The following ANGPTL5 variants were observed in gnomAD, a reference collection of about 807,000 sequenced individuals.
The protein encoded by ANGPTL5 is angiopoietin-related protein 5.
Under a neutral mutation model 39.4 loss-of-function variants are expected in ANGPTL5, and 34 were observed. The ratio of observed to expected loss-of-function variants is 0.86; its 90% CI spans 0.66 to 1.15. ANGPTL5 has a LOEUF of 1.15. Among genes scored for constraint, ANGPTL5 ranks in the 50% most tolerant of loss-of-function variants. The pLI, the probability that ANGPTL5 is intolerant of heterozygous loss-of-function variation, is 0.00. For missense variants in ANGPTL5, 467 were observed against 457.5 expected, an observed-to-expected ratio of 1.02 and a Z score of -0.19; for synonymous variants, 146 against 152.1, an observed-to-expected ratio of 0.96 and a Z score of 0.29.
intron 1 of ANGPTL5, chr11:101,915,457 C>CGG: frequency 6.4e-7 from 1 of 1,571,878 alleles, no homozygotes; most frequent in Non-Finnish European, 8.7e-7. Flanking sequence ...ATGTTGAAAA[C>CGG]GGGGCCCATC....
At chr11:101,896,985 G>A (rs763533405) in intron 7 of ANGPTL5, among the ~76,000 whole-genome samples, 14 of 152,130 alleles carry the variant, frequency 9.2e-5, no homozygotes, top group African/African-American at 2.9e-4. Flanking sequence ...GTGTAAAAGC[G>A]TTCCTATTTC....
intron 1 of ANGPTL5, among the ~76,000 whole-genome samples, chr11:101,913,420 A>G (rs1565344696): frequency 6.6e-6 from 1 of 152,220 alleles, no homozygotes; most frequent in Non-Finnish European, 1.5e-5. Context: ...ACTTTTCAGC[A>G]TAAATCTCCT....
intron 4 of ANGPTL5, among the ~76,000 whole-genome samples, chr11:101,905,200 C>T (rs182545147): frequency 6.6e-6 from 1 of 152,306 alleles, no homozygotes; most frequent in Non-Finnish European, 1.5e-5. Flanking sequence ...CCTCCTTTGG[C>T]TCTTCCTCAA....
At chr11:101,894,007 T>C (rs760332980) in intron 8 of ANGPTL5, among the ~76,000 whole-genome samples, 65 of 152,208 alleles carry the variant, frequency 4.3e-4, no homozygotes, top group Non-Finnish European at 7.1e-4. Flanking sequence ...CAGGAATATA[T>C]ACTTCTAAAA....
chr11:101,910,422 AAAAT>A (rs1229760309), intron 1 of ANGPTL5, among the ~76,000 whole-genome samples: 637 of 128,338 alleles, frequency 5.0e-3, no homozygotes, highest in East Asian at 0.012. Context: ...AAAAAAAAAA[AAAAT>A]ATATATATAT....
intron 1 of ANGPTL5, among the ~76,000 whole-genome samples, chr11:101,911,059 T>C (rs2137066827): frequency 6.9e-6 from 1 of 144,840 alleles, no homozygotes; most frequent in South Asian, 2.2e-4. Context: ...ACACTTCCCT[T>C]ATTATATGGT....
rs973870798 is a variant in ANGPTL5 at position 101,891,596 on chromosome 11, C to T, written c.850G>A (p.Asp284Asn). The T allele has an allele frequency of 3.1e-6, 5 of 1,613,448 alleles. No homozygotes were observed. The African/African-American group carries it at 6.7e-5, about 22-fold the overall frequency. Residue 284 changes from aspartate (D) to asparagine (N), a missense_variant and splice_region_variant, in exon 9 of 9, where the codon GAT becomes AAT. Physicochemically the swap from Asp to Asn is conservative, Grantham distance 23. Transcript: ENST00000334289. ...HLGRYSGNAG[D>N]AFRGLKKEDN... ...TCTTTTTTGAGACCCCGGAATGCAT[C>T]ACCTGGGAAAAAAATTTTTAATGAT...
intron 7 of ANGPTL5, among the ~76,000 whole-genome samples, chr11:101,895,850 T>G (rs1939781786): frequency 6.6e-6 from 1 of 152,202 alleles, no homozygotes; most frequent in African/African-American, 2.4e-5. Context: ...CATAAAATTA[T>G]TAAAGAAAAT....
chr11:101,907,052 A>ATTTC (rs1300927064), intron 3 of ANGPTL5, 51 bp downstream of exon 3: 24 of 1,364,984 alleles, frequency 1.8e-5, no homozygotes, highest in Non-Finnish European at 2.3e-5. Flanking sequence ...TGTCTACCCT[A>ATTTC]AAAATAATGA....
chr11:101,913,212 G>C (rs1940120918), intron 1 of ANGPTL5, among the ~76,000 whole-genome samples: 1 of 152,176 alleles, frequency 6.6e-6, no homozygotes, highest in Admixed American at 6.5e-5. Flanking sequence ...TAAGAGGACT[G>C]CTCACTTGAG....
chr11:101,911,037 TCATATGTTAGCAC>T (rs932893643), intron 1 of ANGPTL5, among the ~76,000 whole-genome samples: 2 of 141,722 alleles, frequency 1.4e-5, no homozygotes, highest in Non-Finnish European at 3.1e-5. Flanking sequence ...CTCTACAATC[TCATATGTTAGCAC>T]ACTTCCCTTA....
At chr11:101,894,012 C>A (rs1489229229) in intron 8 of ANGPTL5, among the ~76,000 whole-genome samples, 1 of 152,188 alleles carries the variant, frequency 6.6e-6, no homozygotes, top group Non-Finnish European at 1.5e-5. Context: ...ATATATACTT[C>A]TAAAAAGCTT....
At chr11:101,905,380 G>A (rs1407496120) in intron 4 of ANGPTL5, among the ~76,000 whole-genome samples, 2 of 152,128 alleles carry the variant, frequency 1.3e-5, no homozygotes, top group African/African-American at 4.8e-5. Flanking sequence ...AGTTTCCCCA[G>A]AATGGAATGT....
chr11:101,893,244 T>C (rs1939734537), intron 8 of ANGPTL5, among the ~76,000 whole-genome samples: 1 of 152,222 alleles, frequency 6.6e-6, no homozygotes, highest in African/African-American at 2.4e-5. Context: ...ACTTTTCTTT[T>C]CCCTAAGAAT....
In ANGPTL5 at chr11:101,907,948, A is replaced by T. The variant is rs745570692; in HGVS notation, c.-39T>A. 6 of 1,390,256 alleles carry T rather than the reference A, an allele frequency of 4.3e-6. No individual in the cohort carries two copies. The South Asian group carries it at 7.0e-5, about 16-fold the overall frequency. 86.1% of individuals were successfully genotyped at this position (1,390,256 alleles called of 1,614,324 possible). ...AGATGAAAACACTTCTTCAAATATC[A>T]GTCAGCTCTTTGTGGAAAGAACTAC... is the stretch of plus-strand genomic sequence containing the variant. On this transcript the variant is annotated 5_prime_UTR_variant, in exon 2 of 9. Transcript: ENST00000334289.
chr11:101,905,635 G>A (rs888008403), intron 4 of ANGPTL5, 109 bp downstream of exon 4: 50 of 779,380 alleles, frequency 6.4e-5, no homozygotes, highest in Non-Finnish European at 8.5e-5. Flanking sequence ...CATGGTAGGC[G>A]CTAAATAGAT....
chr11:101,891,683 C>A, intron 8 of ANGPTL5, 85 bp from the exon 9 acceptor site: 1 of 1,289,402 alleles, frequency 7.8e-7, no homozygotes, highest in Admixed American at 2.0e-5. Flanking sequence ...GGCAAGAGCA[C>A]CACATCTGGA....
At position 101,903,996 on chromosome 11, in the gene ANGPTL5, T is replaced by C. The variant is rs934677004; in HGVS notation, c.439+818A>G. On this transcript the variant is annotated intron_variant, in intron 5 of 8. Transcript: ENST00000334289. ...CTGTAAGAGGTAGGTACTATCAGTT[T>C]ACTGATGAGAAAACATATCAAGAGA... is the stretch of plus-strand genomic sequence containing the variant. 2.6e-5 allele frequency among the ~76,000 whole-genome samples: 4 copies of C among 152,182 alleles called. 1 individual carries two copies. The South Asian group carries it at 8.3e-4, about 32-fold the overall frequency.
intron 1 of ANGPTL5, 127 bp downstream of exon 1, chr11:101,915,892 T>G (rs1940201169): frequency 6.6e-6 from 1 of 152,494 alleles, no homozygotes; most frequent in African/African-American, 2.4e-5. Context: ...TGGTAAGTTG[T>G]TTTGTTTTCC....
Sources: gnomAD v4.1 joint callset for allele counts (sites outside exome capture counted in the v4.1 genomes callset) on GRCh38, gnomAD v4.1.1 for gene constraint, MANE v1.5 for transcripts, NCBI Gene and HGNC (gene_info 2026-07-23, HGNC 2026-07-21) for gene names.